SRBD1: variants seen among roughly 807,000 people sequenced by gnomAD.
SRBD1 encodes the protein S1 RNA binding domain 1, also known as S1 RNA-binding domain-containing protein 1.
SRBD1 carries 88 observed loss-of-function variants against 115.3 expected under a neutral mutation model. The ratio of observed to expected loss-of-function variants is 0.76; its 90% confidence interval spans 0.64 to 0.91. The LOEUF is 0.91. Ranked by LOEUF, SRBD1 falls within the 40% of genes least tolerant of loss-of-function variation. The pLI is 0.00. For missense variants in SRBD1, 1,385 were observed against 1,177.4 expected, an observed-to-expected ratio of 1.18 and a Z score of -2.58; for synonymous variants, 509 against 407.7, an observed-to-expected ratio of 1.25 and a Z score of -2.99.
intron 14 of SRBD1, among the ~76,000 whole-genome samples, chr2:45,518,527 C>A (rs1671187865): frequency 6.6e-6 from 1 of 152,198 alleles, no homozygotes; most frequent in Admixed American, 6.5e-5. Flanking sequence ...ATGGCCCCAC[C>A]TCATACCTCT....
At chr2:45,491,430 A>C (rs911126129) in intron 14 of SRBD1, among the ~76,000 whole-genome samples, 2 of 152,232 alleles carry the variant, frequency 1.3e-5, no homozygotes, top group Non-Finnish European at 2.9e-5. Flanking sequence ...AGCAGAATTT[A>C]TCATCTGGGG....
intron 10 of SRBD1, among the ~76,000 whole-genome samples, chr2:45,554,706 A>T (rs6747801): frequency 6.6e-6 from 1 of 152,090 alleles, no homozygotes; most frequent in African/African-American, 2.4e-5. Flanking sequence ...CAGGAAAGAA[A>T]GGAGGGCTAG....
At chr2:45,592,893 G>T (rs908132136) in intron 4 of SRBD1, among the ~76,000 whole-genome samples, 1 of 152,252 alleles carries the variant, frequency 6.6e-6, no homozygotes, top group South Asian at 2.1e-4. Context: ...TGGGGTGGGG[G>T]TTTAATAACG....
intron 5 of SRBD1, 141 bp from the exon 6 acceptor site, chr2:45,581,951 C>T: frequency 1.5e-6 from 1 of 649,744 alleles, no homozygotes; most frequent in Non-Finnish European, 2.7e-6. Context: ...AAGTTAACAT[C>T]CCTGCACTCC....
chr2:45,569,978 G>A (rs1479828074), intron 9 of SRBD1, among the ~76,000 whole-genome samples: 2 of 152,210 alleles, frequency 1.3e-5, no homozygotes, highest in Non-Finnish European at 2.9e-5. Context: ...ACATTCACTA[G>A]AGCAGAAGTT....
At chr2:45,475,750 G>A (rs1669785309) in intron 16 of SRBD1, among the ~76,000 whole-genome samples, 1 of 152,224 alleles carries the variant, frequency 6.6e-6, no homozygotes, top group African/African-American at 2.4e-5. Flanking sequence ...CCAGGCTAGA[G>A]TGCAGTGGCA....
rs527535504 is a variant in SRBD1, at chr2:45,453,831, T to G, written c.2049+23162A>C. ...GGTTAACATACAAATATAAAATAAT[T>G]TGGAGACAAAACATTCTTTTTAAAG... On this transcript the variant is annotated intron_variant, in intron 16 of 20. Transcript: ENST00000263736. Among the ~76,000 whole-genome samples the G allele has an allele frequency of 7.2e-5, 11 of 152,048 alleles. No individual in the cohort carries two copies. In the East Asian group the frequency reaches 1.9e-3, roughly 27 times the overall value.
At chr2:45,547,321 A>T (rs1382228075) in intron 13 of SRBD1, among the ~76,000 whole-genome samples, 1 of 152,166 alleles carries the variant, frequency 6.6e-6, no homozygotes, top group Admixed American at 6.5e-5. Context: ...TTTATTTGTA[A>T]TGGTGGCAAA....
chr2:45,434,287 C>T (rs193219052), intron 16 of SRBD1, among the ~76,000 whole-genome samples: 16 of 152,274 alleles, frequency 1.1e-4, no homozygotes, highest in African/African-American at 3.4e-4. Context: ...TGGACCTTCT[C>T]GGGTATCAAA....
chr2:45,408,546 G>T (rs1667502862), intron 19 of SRBD1, among the ~76,000 whole-genome samples: 1 of 152,140 alleles, frequency 6.6e-6, no homozygotes, highest in South Asian at 2.1e-4. Flanking sequence ...TATTTCACAT[G>T]CAGAAACTGG....
At chr2:45,547,409 A>C (rs1865685) in intron 13 of SRBD1, 113 bp downstream of exon 13, 671,549 of 869,170 alleles carry the variant, frequency 0.77, 261,724 homozygotes, top group African/African-American at 0.89. Context: ...TATATGGTTT[A>C]TTGTCTCTCA....
intron 14 of SRBD1, among the ~76,000 whole-genome samples, chr2:45,500,383 C>T (rs1419247968): frequency 1.3e-5 from 2 of 150,172 alleles, no homozygotes; most frequent in African/African-American, 2.4e-5. Context: ...ACTGCTTTCT[C>T]GATTTCTTTT....
intron 4 of SRBD1, among the ~76,000 whole-genome samples, chr2:45,586,193 T>C (rs1409852924): frequency 6.6e-6 from 1 of 152,128 alleles, no homozygotes; most frequent in African/African-American, 2.4e-5. Flanking sequence ...ATAAACAAAC[T>C]TTGGCCCAGC....
At chr2:45,559,000 G>A (rs1221230646) in intron 10 of SRBD1, among the ~76,000 whole-genome samples, 1 of 151,810 alleles carries the variant, frequency 6.6e-6, no homozygotes, top group Non-Finnish European at 1.5e-5. Context: ...ACGCCCAGCC[G>A]CCACACAAAT....
intron 14 of SRBD1, among the ~76,000 whole-genome samples, chr2:45,522,002 A>T (rs796394056): frequency 2.6e-5 from 4 of 152,176 alleles, no homozygotes; most frequent in African/African-American, 9.6e-5. Flanking sequence ...AGAAGAAAAA[A>T]AAAAGGAGAA....
chr2:45,521,776 G>A (rs1466757805), intron 14 of SRBD1, among the ~76,000 whole-genome samples: 1 of 152,016 alleles, frequency 6.6e-6, no homozygotes, highest in Non-Finnish European at 1.5e-5. Flanking sequence ...ACACTAGCCT[G>A]GGCAACATGG....
intron 14 of SRBD1, among the ~76,000 whole-genome samples, chr2:45,491,009 T>C (rs555791375): frequency 1.3e-5 from 2 of 152,224 alleles, no homozygotes; most frequent in African/African-American, 4.8e-5. Flanking sequence ...ATTGATTACT[T>C]CAATATAAAA....
At chr2:45,568,355 G>A (rs7564237) in intron 9 of SRBD1, among the ~76,000 whole-genome samples, 121,047 of 152,116 alleles carry the variant, frequency 0.8, 48,948 homozygotes, top group African/African-American at 0.92. Context: ...TCATTTCTGT[G>A]TTCTGTGATA....
At chr2:45,541,855 A>G in intron 14 of SRBD1, among the ~76,000 whole-genome samples, 1 of 152,240 alleles carries the variant, frequency 6.6e-6, no homozygotes, top group Non-Finnish European at 1.5e-5. Flanking sequence ...TTATGGGCTC[A>G]GAAGGGAGGA....
Sources: allele counts gnomAD v4.1 joint callset (sites outside exome capture counted in the v4.1 genomes callset), GRCh38; gene constraint gnomAD v4.1.1; transcripts MANE v1.5; gene names NCBI Gene and HGNC (gene_info 2026-07-23, HGNC 2026-07-21).